The following ADGRL2 variants were observed in gnomAD, a reference collection of about 807,000 sequenced individuals.
ADGRL2 encodes the protein adhesion G protein-coupled receptor L2.
A neutral mutation model predicts 157.4 loss-of-function variants in ADGRL2; 44 were observed. That is an observed-to-expected ratio of 0.28 (90% CI 0.22 to 0.36). The LOEUF is 0.36. Ranked by LOEUF, ADGRL2 falls within the 10% of genes least tolerant of loss-of-function variation. ADGRL2 has a pLI of 1.00. For missense variants in ADGRL2, 1,510 were observed against 1,768.9 expected (o/e 0.85, Z 2.63); for synonymous variants, 585 against 624.7 (o/e 0.94, Z 0.95).
chr1:81,864,468 A>G (rs1216688615), intron 2 of ADGRL2, among the ~76,000 whole-genome samples: 1 of 152,200 alleles, frequency 6.6e-6, no homozygotes, highest in Non-Finnish European at 1.5e-5. Flanking sequence ...ATTGCACCTA[A>G]GAATGAATTG....
chr1:81,761,665 T>C (rs2085886307), intron 1 of ADGRL2: 1 of 151,524 alleles, frequency 6.6e-6, no homozygotes, highest in African/African-American at 2.4e-5. Flanking sequence ...TCATATAATA[T>C]ATGTTCAAGA....
chr1:81,498,017 T>A (rs993811664), intron 2 of ADGRL2, among the ~76,000 whole-genome samples: 1 of 152,120 alleles, frequency 6.6e-6, no homozygotes, highest in African/African-American at 2.4e-5. Context: ...TCATCCTGGC[T>A]AACATGGTGA....
intron 1 of ADGRL2, among the ~76,000 whole-genome samples, chr1:81,746,949 TGTATATAC>T (rs2085277868): frequency 6.9e-6 from 1 of 144,096 alleles, no homozygotes; most frequent in Admixed American, 6.8e-5. Context: ...TACACATGTA[TGTATATAC>T]GTATATACAC....
intron 2 of ADGRL2, among the ~76,000 whole-genome samples, chr1:81,863,394 G>T (rs2093443881): frequency 6.6e-6 from 1 of 152,142 alleles, no homozygotes; most frequent in Non-Finnish European, 1.5e-5. Flanking sequence ...CCCAAGGAAT[G>T]TCAGGCTTTA....
intron 1 of ADGRL2, among the ~76,000 whole-genome samples, chr1:81,829,683 A>G (rs1342899937): frequency 6.6e-6 from 1 of 152,240 alleles, no homozygotes; most frequent in Non-Finnish European, 1.5e-5. Context: ...TTGCCGAGAC[A>G]TATTTTGATA....
intron 1 of ADGRL2, among the ~76,000 whole-genome samples, chr1:81,390,786 T>C (rs1254851962): frequency 6.6e-6 from 1 of 152,308 alleles, no homozygotes; most frequent in African/African-American, 2.4e-5. Flanking sequence ...AGTATTTCAT[T>C]ATATGAATGC....
intron 3 of ADGRL2, among the ~76,000 whole-genome samples, chr1:81,619,836 G>A (rs779747981): frequency 1.3e-5 from 2 of 151,994 alleles, no homozygotes; most frequent in Non-Finnish European, 2.9e-5. Context: ...TAAGGAAACA[G>A]ACTCTGGAGT....
chr1:81,653,166 C>G (rs1425951830), intron 3 of ADGRL2, among the ~76,000 whole-genome samples: 2 of 152,012 alleles, frequency 1.3e-5, no homozygotes, highest in African/African-American at 4.8e-5. Context: ...TATTTTTCAT[C>G]AAGATGTTGT....
chr1:81,417,072 C>CA lies in ADGRL2; in HGVS notation c.-301-27959dup, dbSNP rs543321217. 4.3e-3 allele frequency among the ~76,000 whole-genome samples: 659 copies of CA among 152,190 alleles called. 5 individuals are homozygous for CA. Among genetic ancestry groups the CA allele is most frequent in the African/African-American group, 0.015 (623 of 41,534 alleles). The stretch of plus-strand genomic sequence containing the variant: ...TTCATGCCATGCTATATTCTATGTA[C>CA]AAAAAGCATCTTCCTTTACTTTATT... On this transcript the variant is annotated intron_variant, in intron 1 of 24. Coordinates refer to the ADGRL2 transcript ENST00000370721.
At chr1:81,638,984 C>T (rs545058359) in intron 3 of ADGRL2, among the ~76,000 whole-genome samples, 1 of 152,286 alleles carries the variant, frequency 6.6e-6, no homozygotes, top group South Asian at 2.1e-4. Context: ...ACTTGGGTGG[C>T]AGTGAGACCC....
intron 3 of ADGRL2, among the ~76,000 whole-genome samples, chr1:81,675,191 A>G (rs2082960636): frequency 6.6e-6 from 1 of 152,196 alleles, no homozygotes; most frequent in Non-Finnish European, 1.5e-5. Flanking sequence ...TTTTGTTTCC[A>G]TCTAATAGCC....
chr1:81,584,225 C>A (rs2080977570), intron 3 of ADGRL2, among the ~76,000 whole-genome samples: 1 of 152,146 alleles, frequency 6.6e-6, no homozygotes, highest in African/African-American at 2.4e-5. Context: ...TTCATCTATT[C>A]ACTTCACACA....
At chr1:81,910,273 A>ATAATAATAATAATAATAATAC (rs1408035940) in intron 3 of ADGRL2, among the ~76,000 whole-genome samples, 3 of 147,788 alleles carry the variant, frequency 2.0e-5, no homozygotes, top group East Asian at 2.0e-4. Flanking sequence ...AATAATAATA[A>ATAATAATAATAATAATAATAC]TACTACAATT....
chr1:81,332,215 G>A (rs188694596), intron 1 of ADGRL2, among the ~76,000 whole-genome samples: 1 of 152,194 alleles, frequency 6.6e-6, no homozygotes, highest in African/African-American at 2.4e-5. Context: ...TTTATATTCA[G>A]AAATATCACA....
At chr1:81,542,053 G>A (rs1289195112) in intron 2 of ADGRL2, among the ~76,000 whole-genome samples, 1 of 152,152 alleles carries the variant, frequency 6.6e-6, no homozygotes, top group Non-Finnish European at 1.5e-5. Context: ...GATGAAAAGG[G>A]CTATAGTTTT....
At chr1:81,784,184 T>C (rs1425643713) in intron 2 of ADGRL2, among the ~76,000 whole-genome samples, 5 of 152,230 alleles carry the variant, frequency 3.3e-5, no homozygotes, top group African/African-American at 7.2e-5. Context: ...CTTTATTTTA[T>C]GAGGACTTTT....
intron 3 of ADGRL2, among the ~76,000 whole-genome samples, chr1:81,654,660 C>A (rs531298155): frequency 6.6e-6 from 1 of 152,252 alleles, no homozygotes; most frequent in East Asian, 1.9e-4. Flanking sequence ...GTCCCTCTGC[C>A]TTTTTTATGC....
At chr1:81,642,906 A>G (rs2148810573) in intron 3 of ADGRL2, among the ~76,000 whole-genome samples, 1 of 152,322 alleles carries the variant, frequency 6.6e-6, no homozygotes, top group South Asian at 2.1e-4. Flanking sequence ...TTCTCAGTAA[A>G]CCAGATATAG....
chr1:81,461,398 T>C (rs1247149776), intron 2 of ADGRL2, among the ~76,000 whole-genome samples: 1 of 152,172 alleles, frequency 6.6e-6, no homozygotes, highest in Non-Finnish European at 1.5e-5. Flanking sequence ...GTGTCCTTTT[T>C]AGCTTAATTT....
Sources: allele counts gnomAD v4.1 joint callset (sites outside exome capture counted in the v4.1 genomes callset), GRCh38; gene constraint gnomAD v4.1.1; transcripts MANE v1.5; gene names NCBI Gene and HGNC (gene_info 2026-07-23, HGNC 2026-07-21).